SETD1B: variants seen among roughly 807,000 people sequenced by gnomAD.
The protein encoded by SETD1B is histone-lysine N-methyltransferase SETD1B.
A neutral mutation model predicts 148.0 loss-of-function variants in SETD1B; 7 were observed. The observed-to-expected ratio is 0.05, with a 90% confidence interval of 0.03 to 0.09. The LOEUF is 0.09. Among genes scored for constraint, SETD1B ranks in the 10% least tolerant of loss-of-function variants. The probability of loss-of-function intolerance (pLI) is 1.00; values close to 1 mark genes in which losing one functional copy is unlikely to be tolerated. For missense variants in SETD1B, 2,155 were observed against 2,729.9 expected, an observed-to-expected ratio of 0.79 and a Z score of 4.69; for synonymous variants, 1,361 against 1,186.5, an observed-to-expected ratio of 1.15 and a Z score of -3.02.
chr12:121,814,237 G>A lies in SETD1B; in HGVS notation c.2022G>A (p.Val674=). ...PGAAAVAAPS[V]LAPTLPLPPP... is the part of the protein sequence containing the mutation. ...CGGCAGCCGTGGCAGCCCCTTCTGT[G>A]CTAGCCCCAACCCTGCCGCTGCCCC... Residue 674 remains valine, a synonymous_variant, in exon 7 of 17, where the codon GTG becomes GTA. Coordinates refer to ENST00000604567, the MANE Select transcript of SETD1B (RefSeq NM_001353345.2). The A allele has an allele frequency of 6.6e-7, 1 of 1,524,908 alleles. No homozygotes were observed. The highest frequency in any genetic ancestry group is 8.8e-7 in the Non-Finnish European group (1 of 1,140,536). The allele number at this position is 1,524,908 out of a possible 1,614,324, so 94.5% of individuals were successfully genotyped here.
the SETD1B span, chr12:121,797,729 G>T: frequency 2.6e-6 from 1 of 391,604 alleles, no homozygotes; most frequent in Non-Finnish European, 5.1e-6. Flanking sequence ...AGACTCTAAA[G>T]GGAGGCGCCA....
At chr12:121,824,189 T>G (rs955735080) in intron 12 of SETD1B, among the ~76,000 whole-genome samples, 2 of 152,190 alleles carry the variant, frequency 1.3e-5, no homozygotes, top group African/African-American at 4.8e-5. Context: ...CAGCTACAGG[T>G]GGCAGAGTTG....
chr12:121,809,983 C>T lies in SETD1B; in HGVS notation c.1038C>T (p.Phe346=), dbSNP rs1875939921. 2.6e-6 allele frequency: 4 copies of T among 1,550,848 alleles called. No individual in the cohort carries two copies. Among genetic ancestry groups the T allele is most frequent in the Non-Finnish European group, 3.5e-6 (4 of 1,146,964 alleles). Residue 346 remains phenylalanine, a synonymous_variant, in exon 6 of 17, where the codon TTC becomes TTT. Transcript: ENST00000604567. Reference sequence around the variant, plus strand: ...CGGTGGCCGGGGCCACAGCCGCTTTCCGGGGTTCCTCGGACCTCCCGTTCG... The same window carrying T: ...CGGTGGCCGGGGCCACAGCCGCTTTTCGGGGTTCCTCGGACCTCCCGTTCG... ...VTAVAGATAA[F]RGSSDLPFGA...
chr12:121,810,524 C>A lies in SETD1B; in HGVS notation c.1579C>A (p.Gln527Lys). The change falls in exon 6 of 17, where the codon CAG (glutamine) becomes AAG (lysine). Residue 527 changes from glutamine to lysine, a missense_variant. Physicochemically the swap from Gln to Lys is moderately conservative, Grantham distance 53. Around this residue, in one of 11 missense-constraint regions of SETD1B, gnomAD observed 295 missense variants for 303.8 expected, o/e 0.97. Coordinates refer to ENST00000604567, the MANE Select transcript of SETD1B (RefSeq NM_001353345.2). This position sits in a 1 kb window ranked among gnomAD's most constrained non-coding sequence, Gnocchi z 7.6. The part of the protein sequence containing the change: ...LREPDSDTEL[Q>K]MEGSPISSSS... ...GGAGCCGGACTCGGACACCGAGCTG[C>A]AGATGGAGGGCAGCCCCATCTCCTC... 1 of 1,546,302 alleles carries A rather than the reference C, an allele frequency of 6.5e-7. No individual in the cohort carries two copies.
rs555009780 is a variant in SETD1B at position 121,804,982 on chromosome 12, A to AC, written c.174+77dup. 21 of 1,461,444 alleles carry AC rather than the reference A, an allele frequency of 1.4e-5. No individual in the cohort carries two copies. Among genetic ancestry groups the AC allele is most frequent in the Middle Eastern group, 2.0e-4 (1 of 5,058 alleles). The allele number at this position is 1,461,444 out of a possible 1,614,324, so 90.5% of individuals were successfully genotyped here. ...GGGGAGACGCGCCTAGCGGCCAGGG[A>AC]CCCCCCGCCCGATCCCCCGGCCAAC... On this transcript the variant is annotated intron_variant, in intron 2 of 16. Coordinates refer to ENST00000604567, the MANE Select transcript of SETD1B (RefSeq NM_001353345.2). The surrounding 1 kb of genome is among the most constrained non-coding windows in gnomAD (Gnocchi z 4.6).
rs1172415103 is a variant in SETD1B at position 121,814,898 on chromosome 12, G to A, written c.2683G>A (p.Glu895Lys). 2.6e-6 allele frequency: 4 copies of A among 1,550,446 alleles called. No individual in the cohort carries two copies. The highest frequency in any genetic ancestry group is 3.5e-6 in the Non-Finnish European group (4 of 1,146,296). The change falls in exon 7 of 17, where the codon GAG (glutamate) becomes AAG (lysine). Residue 895 changes from glutamate (E) to lysine (K), a missense_variant. Around this residue, in one of 11 missense-constraint regions of SETD1B, gnomAD observed 289 missense variants for 423.7 expected, o/e 0.68. Transcript: ENST00000604567. ...VEVVAFRAFDEWWDKKERMAK... is the reference protein window; with the variant it reads ...VEVVAFRAFDKWWDKKERMAK... ...AGTGGTGGCTTTCCGGGCCTTTGAC[G>A]AGTGGTGGGACAAGAAGGAGCGGAT... is the stretch of plus-strand genomic sequence containing the variant.
chr12:121,809,870 A>C lies in SETD1B; in HGVS notation c.925A>C (p.Lys309Gln). ...LFSQDPAVTF[K>Q]ARRHESKFTD... ...CAGCCAGGACCCTGCAGTGACCTTCAAGGCCCGGCGCCACGAGAGCAAGTT... is the reference window on the plus strand; with the variant it reads ...CAGCCAGGACCCTGCAGTGACCTTCCAGGCCCGGCGCCACGAGAGCAAGTT... Residue 309 changes from lysine (K) to glutamine (Q), a missense_variant, in exon 6 of 17, where the codon AAG (lysine) becomes CAG (glutamine). Lys to Gln is a moderately conservative substitution (Grantham distance 53). Around this residue, in one of 11 missense-constraint regions of SETD1B, gnomAD observed 376 missense variants for 385.0 expected, o/e 0.98. Transcript: ENST00000604567. 12 of 1,551,238 alleles carry C rather than the reference A, an allele frequency of 7.7e-6. No homozygotes were observed. Among genetic ancestry groups the C allele is most frequent in the Non-Finnish European group, 1.0e-5 (12 of 1,146,964 alleles).
intron 13 of SETD1B, 103 bp from the exon 14 acceptor site, chr12:121,827,416 G>T (rs1876892992): frequency 7.2e-7 from 1 of 1,397,330 alleles, no homozygotes; most frequent in Non-Finnish European, 9.4e-7. Context: ...GAAGCCCAGA[G>T]CAAGGAGCCC....
chr12:121,810,608 C>A lies in SETD1B; in HGVS notation c.1663C>A (p.Arg555=). The A allele has an allele frequency of 6.5e-7, 1 of 1,548,352 alleles. No homozygotes were observed. Among genetic ancestry groups the A allele is most frequent in the East Asian group, 2.4e-5 (1 of 40,896 alleles). ...PFGTNSQPGF[R]GPTPPSSRPS... ...TGGCACCAACTCCCAGCCAGGCTTCCGGGGCCCCACGCCCCCCTCGTCACG... is the reference window on the plus strand; with the variant it reads ...TGGCACCAACTCCCAGCCAGGCTTCAGGGGCCCCACGCCCCCCTCGTCACG... The change falls in exon 6 of 17, where the codon CGG becomes AGG. Residue 555 remains arginine, a synonymous_variant. Transcript: ENST00000604567. The surrounding 1 kb of genome is among the most constrained non-coding windows in gnomAD (Gnocchi z 7.6).
chr12:121,815,050 G>A, intron 7 of SETD1B, 120 bp downstream of exon 7: 1 of 943,036 alleles, frequency 1.1e-6, no homozygotes, highest in South Asian at 1.8e-5. Context: ...CCCACTATGG[G>A]AGCTCCATTT....
At chr12:121,815,351 G>A (rs904665415) in intron 7 of SETD1B, among the ~76,000 whole-genome samples, 1 of 152,070 alleles carries the variant, frequency 6.6e-6, no homozygotes, top group Admixed American at 6.6e-5. Context: ...AAGTGCTCGG[G>A]AGCCACAGGT....
rs988391697 is a variant in SETD1B at position 121,805,331 on chromosome 12, G to A, written c.273+115G>A. On this transcript the variant is annotated intron_variant, in intron 3 of 16. Transcript: ENST00000604567. This position sits in a 1 kb window ranked among gnomAD's most constrained non-coding sequence, Gnocchi z 4.2. ...CCAGTTCCCGCCGTCCGGGGCCAGG[G>A]AAGTTTTGGCGGGGAGGGGTAGAGC... The A allele has an allele frequency of 4.3e-6, 4 of 934,344 alleles. No homozygotes were observed. Among genetic ancestry groups the A allele is most frequent in the Admixed American group, 2.4e-5 (1 of 42,022 alleles). The allele number at this position is 934,344 out of a possible 1,614,324, so 57.9% of individuals were successfully genotyped here.
chr12:121,809,641 G>A lies in SETD1B; in HGVS notation c.696G>A (p.Leu232=), dbSNP rs1344674572. The A allele has an allele frequency of 8.4e-6, 13 of 1,551,408 alleles. No individual in the cohort carries two copies. The highest frequency in any genetic ancestry group is 9.6e-6 in the Non-Finnish European group (11 of 1,146,862). The change falls in exon 6 of 17, where the codon CTG becomes CTA. Residue 232 remains leucine (L), a synonymous_variant. Coordinates refer to ENST00000604567, the MANE Select transcript of SETD1B (RefSeq NM_001353345.2). ...TGAAGCGCCTCAAGGATGGAGGCCT[G>A]TCTGCAGGCTGTGGCTCCGGCTCCT... ...DALKRLKDGG[L]SAGCGSGSSS...
chr12:121,823,349 A>ACCCCCCCCCCCC lies in SETD1B; in HGVS notation c.4775_4776insCCCCCCCCCCCC (p.Pro1595_Pro1598dup). 6.0e-6 allele frequency: 1 copy of ACCCCCCCCCCCC among 166,810 alleles called. No individual in the cohort carries two copies. The highest frequency in any genetic ancestry group is 9.3e-6 in the Non-Finnish European group (1 of 107,786). 10.3% of individuals were successfully genotyped at this position (166,810 alleles called of 1,614,324 possible). On this transcript the variant is annotated inframe_insertion, in exon 12 of 17. Coordinates refer to ENST00000604567, the MANE Select transcript of SETD1B (RefSeq NM_001353345.2). ...CTCCACCACCCCTTCCCCCCCAGCC[A>ACCCCCCCCCCCC]CCCCCACCCCCACCTCCCCCACCTG...
chr12:121,817,988 T>A lies in SETD1B; in HGVS notation c.3418+84T>A. 7.4e-7 allele frequency: 1 copy of A among 1,348,930 alleles called. No homozygotes were observed. The highest frequency in any genetic ancestry group is 1.5e-5 in the South Asian group (1 of 66,244). The allele number at this position is 1,348,930 out of a possible 1,614,324, so 83.6% of individuals were successfully genotyped here. A position where few individuals can be genotyped will look rare whatever the true frequency, so the allele number is the denominator to read the frequency against. On this transcript the variant is annotated intron_variant, in intron 10 of 16. Coordinates refer to ENST00000604567, the MANE Select transcript of SETD1B (RefSeq NM_001353345.2). This position sits in a 1 kb window ranked among gnomAD's most constrained non-coding sequence, Gnocchi z 8.1. ...AGCCTGAGCAATTGTCAGAAATACT[T>A]CTGAGCCAAAATGTTGTGCTTTTGA... is the stretch of plus-strand genomic sequence containing the variant.
rs1311014001 is a variant in SETD1B, at chr12:121,810,730, A to G, written c.1785A>G (p.Pro595=). ...ELDLGLGPRP[P]PEPGPPDPAG... ...ACCTGGGCCTTGGGCCTCGGCCTCC[A>G]CCTGAGCCAGGCCCCCCGGACCCTG... is the stretch of plus-strand genomic sequence containing the variant. The change falls in exon 6 of 17, where the codon CCA becomes CCG. Residue 595 remains proline, a synonymous_variant. Transcript: ENST00000604567. The surrounding 1 kb of genome is among the most constrained non-coding windows in gnomAD (Gnocchi z 7.6). 1.9e-6 allele frequency: 3 copies of G among 1,551,044 alleles called. No individual in the cohort carries two copies. The highest frequency in any genetic ancestry group is 2.6e-6 in the Non-Finnish European group (3 of 1,146,854).
the SETD1B span, chr12:121,793,243 C>T: frequency 1.3e-6 from 2 of 1,550,748 alleles, no homozygotes; most frequent in South Asian, 2.4e-5. Context: ...CGTAGTGCTG[C>T]GGGAGAGGGG....
the SETD1B span, chr12:121,793,603 C>T: frequency 3.9e-6 from 6 of 1,550,540 alleles, no homozygotes; most frequent in Non-Finnish European, 5.2e-6. Flanking sequence ...CCGGGGGCGG[C>T]GGTCTGGGCC....
chr12:121,797,885 T>G, the SETD1B span: 1 of 331,630 alleles, frequency 3.0e-6, no homozygotes, highest in Non-Finnish European at 5.9e-6. Flanking sequence ...GCTTTCGCCC[T>G]CTTGCTGTAC....
Sources: allele counts gnomAD v4.1 joint callset (sites outside exome capture counted in the v4.1 genomes callset), GRCh38; gene constraint gnomAD v4.1.1; regional missense constraint gnomAD v4.1.1; non-coding constraint Gnocchi (gnomAD v3.1); transcripts MANE v1.5; gene names NCBI Gene and HGNC (gene_info 2026-07-23, HGNC 2026-07-21).